The following CLPX variants were observed in gnomAD, a reference collection of about 807,000 sequenced individuals.
CLPX encodes the protein ATP-dependent clpX-like chaperone, mitochondrial.
A neutral mutation model predicts 76.4 loss-of-function variants in CLPX; 34 were observed. The ratio of observed to expected loss-of-function variants is 0.45; its 90% confidence interval spans 0.34 to 0.59. CLPX has a LOEUF of 0.59. Among genes scored for constraint, CLPX ranks in the 20% least tolerant of loss-of-function variants. The probability of loss-of-function intolerance (pLI) is 0.01; values close to 1 mark genes in which losing one functional copy is unlikely to be tolerated. For synonymous variants in CLPX, 248 were observed against 270.9 expected, an observed-to-expected ratio of 0.92 and a Z score of 0.83; for missense variants, 613 against 757.0, an observed-to-expected ratio of 0.81 and a Z score of 2.23.
At chr15:65,174,318 G>A (rs555113454) in intron 3 of CLPX, among the ~76,000 whole-genome samples, 13 of 150,270 alleles carry the variant, frequency 8.7e-5, no homozygotes, top group Non-Finnish European at 1.8e-4. Context: ...AGGCTGGAGT[G>A]CAGTGGTGTG....
Position 65,155,760 on chromosome 15 carries a change from T to C in CLPX, c.1243A>G (p.Ile415Val), listed in dbSNP as rs769306600. Residue 415 changes from isoleucine (I) to valine (V), a missense_variant, in exon 10 of 14, where the codon ATC becomes GTC. Around this residue, in one of 2 missense-constraint regions of CLPX, gnomAD observed 450 missense variants for 638.6 expected, o/e 0.70. Coordinates refer to ENST00000300107, the MANE Select transcript of CLPX (RefSeq NM_006660.5). Reference protein sequence around the residue: ...GETVQVDTTNILFVASGAFNG... With the variant: ...GETVQVDTTNVLFVASGAFNG... ...AAAGCACCAGATGCCACAAACAGGA[T>C]GTTTGTTGTATCAACTTGAACTGTT... is the stretch of plus-strand genomic sequence containing the variant. The C allele has an allele frequency of 2.5e-6, 4 of 1,614,100 alleles. No homozygotes were observed. The highest frequency in any genetic ancestry group is 1.7e-4 in the Middle Eastern group (1 of 6,060).
intron 3 of CLPX, among the ~76,000 whole-genome samples, chr15:65,173,390 A>C (rs1355045779): frequency 6.6e-6 from 1 of 151,148 alleles, no homozygotes; most frequent in African/African-American, 2.4e-5. Context: ...AAAAAAAAGA[A>C]GACAGACAGA....
In CLPX at chr15:65,150,625, A is replaced by G. The variant is rs1028099635; in HGVS notation, c.*198T>C. 5.0e-5 allele frequency: 19 copies of G among 380,842 alleles called. No individual in the cohort carries two copies. Among genetic ancestry groups the G allele is most frequent in the Non-Finnish European group, 7.9e-5 (17 of 214,178 alleles). The allele number at this position is 380,842 out of a possible 1,614,324, so 23.6% of individuals were successfully genotyped here. A position where few individuals can be genotyped will look rare whatever the true frequency, so the allele number is the denominator to read the frequency against. ...TTTTATCTCTAAACATTGTGTCATT[A>G]AAGTCCATATAACATCTTCCGTAAA... On this transcript the variant is annotated 3_prime_UTR_variant, in exon 14 of 14. Coordinates refer to ENST00000300107, the MANE Select transcript of CLPX (RefSeq NM_006660.5).
chr15:65,180,289 G>A (rs943514780), intron 1 of CLPX, 85 bp from the exon 2 acceptor site: 65 of 1,046,238 alleles, frequency 6.2e-5, no homozygotes, highest in Non-Finnish European at 7.9e-5. Flanking sequence ...CATAAAGGAG[G>A]TTGAAAAAAA....
chr15:65,182,118 C>CA (rs540972406), intron 1 of CLPX, among the ~76,000 whole-genome samples: 5,609 of 68,854 alleles, frequency 0.081, 339 homozygotes, highest in African/African-American at 0.23. Context: ...GTCTCCGTCT[C>CA]AAAAAAAAAA....
chr15:65,166,855 TCC>T, intron 3 of CLPX, 70 bp from the exon 4 acceptor site: 5 of 1,464,260 alleles, frequency 3.4e-6, no homozygotes, highest in Non-Finnish European at 4.6e-6. Context: ...CCTTAAAGAC[TCC>T]ACTGTAAATG....
chr15:65,162,639 T>C lies in CLPX; in HGVS notation c.680A>G (p.Glu227Gly). ...KQTSLTPREL[E>G]IRRREDEYRF... is the part of the protein sequence containing the mutation. ...GTACTCATCCTCCCGTCTTCTTATT[T>C]CTAACTCTAAGAAAGAGGATGAAAA... Residue 227 changes from glutamate to glycine, a missense_variant, in exon 6 of 14, where the codon GAA becomes GGA. Glu to Gly is a moderately conservative substitution (Grantham distance 98). Around this residue, in one of 2 missense-constraint regions of CLPX, gnomAD observed 450 missense variants for 638.6 expected, o/e 0.70. Coordinates refer to ENST00000300107, the MANE Select transcript of CLPX (RefSeq NM_006660.5). 6.3e-7 allele frequency: 1 copy of C among 1,578,624 alleles called. No individual in the cohort carries two copies. Among genetic ancestry groups the C allele is most frequent in the Non-Finnish European group, 8.7e-7 (1 of 1,151,642 alleles).
intron 1 of CLPX, among the ~76,000 whole-genome samples, chr15:65,182,934 G>A (rs888899550): frequency 6.6e-6 from 1 of 151,792 alleles, no homozygotes; most frequent in African/African-American, 2.4e-5. Flanking sequence ...AGGCCAAGGC[G>A]GGTGATCTCC....
chr15:65,167,513 G>A (rs1334044407), intron 3 of CLPX, among the ~76,000 whole-genome samples: 1 of 151,996 alleles, frequency 6.6e-6, no homozygotes, highest in African/African-American at 2.4e-5. Context: ...ATATACAAAA[G>A]TTGAAAGAGA....
intron 5 of CLPX, 96 bp downstream of exon 5, chr15:65,163,933 T>A (rs1009862795): frequency 8.5e-7 from 1 of 1,182,294 alleles, no homozygotes; most frequent in Non-Finnish European, 1.2e-6. Context: ...TGCCACACTA[T>A]ATAAAAAACA....
chr15:65,152,952 T>A (rs186968919), intron 12 of CLPX, among the ~76,000 whole-genome samples: 1 of 151,506 alleles, frequency 6.6e-6, no homozygotes, highest in African/African-American at 2.4e-5. Flanking sequence ...GGGTGTATGT[T>A]GCCCAGGCTG....
intron 1 of CLPX, among the ~76,000 whole-genome samples, chr15:65,181,793 TAA>T (rs2088176428): frequency 2.5e-5 from 3 of 120,858 alleles, no homozygotes; most frequent in African/African-American, 9.2e-5. Flanking sequence ...AATAAATAAA[TAA>T]AGATAGTATC....
At chr15:65,174,288 G>A (rs548969102) in intron 3 of CLPX, among the ~76,000 whole-genome samples, 129 of 112,892 alleles carry the variant, frequency 1.1e-3, no homozygotes, top group Non-Finnish European at 1.7e-3. Context: ...TTTTTGAGAT[G>A]GAGTCTCGCT....
intron 6 of CLPX, 100 bp downstream of exon 6, chr15:65,162,504 G>T: frequency 4.1e-6 from 3 of 731,658 alleles, no homozygotes; most frequent in Non-Finnish European, 4.7e-6. Context: ...TAATACACAA[G>T]CAAATACATA....
rs183566733 is a variant in CLPX at position 65,175,610 on chromosome 15, T to C, written c.358+3324A>G. ...TCAAATGTTTTCACGTTTTGGAATATTCACAGAAATACACTGGTTAAGCAC... is the reference window on the plus strand; with the variant it reads ...TCAAATGTTTTCACGTTTTGGAATACTCACAGAAATACACTGGTTAAGCAC... On this transcript the variant is annotated intron_variant, in intron 3 of 13. Coordinates refer to ENST00000300107, the MANE Select transcript of CLPX (RefSeq NM_006660.5). 1.5e-3 allele frequency among the ~76,000 whole-genome samples: 231 copies of C among 152,262 alleles called. 1 individual carries two copies. Among genetic ancestry groups the C allele is most frequent in the Admixed American group, 3.9e-3 (60 of 15,280 alleles).
chr15:65,168,211 C>T (rs566506658), intron 3 of CLPX, among the ~76,000 whole-genome samples: 1 of 150,412 alleles, frequency 6.6e-6, no homozygotes, highest in Non-Finnish European at 1.5e-5. Context: ...CGGTAAAACC[C>T]TGTCTCTACT....
chr15:65,181,108 C>T (rs1054914720), intron 1 of CLPX, among the ~76,000 whole-genome samples: 4 of 149,122 alleles, frequency 2.7e-5, no homozygotes, highest in East Asian at 2.0e-4. Context: ...CTGAGGCAGG[C>T]GAATTGCTTG....
In CLPX at chr15:65,176,963, T is replaced by C. The variant is rs139616744; in HGVS notation, c.358+1971A>G. Among the ~76,000 whole-genome samples, 266 of 152,272 alleles carry C rather than the reference T, an allele frequency of 1.7e-3. 2 individuals are homozygous for C. The highest frequency in any genetic ancestry group is 5.6e-3 in the African/African-American group (232 of 41,544). The stretch of plus-strand genomic sequence containing the variant: ...AAGAAAAAAAAAGGAGGAAAATTTC[T>C]TGATTAAAATATAAGACACTGACCT... On this transcript the variant is annotated intron_variant, in intron 3 of 13. Transcript: ENST00000300107.
In CLPX at chr15:65,162,999, A is replaced by G. The variant is rs566211995; in HGVS notation, c.674-354T>C. Among the ~76,000 whole-genome samples, 125 of 152,288 alleles carry G rather than the reference A, an allele frequency of 8.2e-4. 1 individual carries two copies. Among genetic ancestry groups the G allele is most frequent in the African/African-American group, 2.9e-3 (119 of 41,568 alleles). ...TATTTATTACCGAGGAAAACAAAAA[A>G]GTTTTGCTCCATAACTATCAGTGCT... On this transcript the variant is annotated intron_variant, in intron 5 of 13. Transcript: ENST00000300107.
Sources: allele counts gnomAD v4.1 joint callset (sites outside exome capture counted in the v4.1 genomes callset), GRCh38; gene constraint gnomAD v4.1.1; regional missense constraint gnomAD v4.1.1; transcripts MANE v1.5; gene names NCBI Gene and HGNC (gene_info 2026-07-23, HGNC 2026-07-21).